The following EBF1 variants were observed in gnomAD, a reference collection of about 807,000 sequenced individuals.
EBF1 encodes the protein transcription factor COE1.
Under a neutral mutation model 68.4 loss-of-function variants are expected in EBF1, and 10 were observed. That is an observed-to-expected ratio of 0.15 (90% CI 0.09 to 0.25). The LOEUF (loss-of-function observed/expected upper bound fraction) is 0.25. Ranked by LOEUF, EBF1 falls within the 10% of genes least tolerant of loss-of-function variation. The pLI, the probability that EBF1 is intolerant of heterozygous loss-of-function variation, is 1.00. For synonymous variants in EBF1, 298 were observed against 299.8 expected, an observed-to-expected ratio of 0.99 and a Z score of 0.06; for missense variants, 509 against 794.4, an observed-to-expected ratio of 0.64 and a Z score of 4.32.
intron 6 of EBF1, among the ~76,000 whole-genome samples, chr5:158,861,854 AAT>A (rs1554166983): frequency 1.1e-4 from 16 of 152,240 alleles, no homozygotes; most frequent in Middle Eastern, 3.4e-3. Context: ...AAAAAAAAAA[AAT>A]GTTTAAAATC....
chr5:158,941,148 C>T, intron 6 of EBF1: 1 of 455,078 alleles, frequency 2.2e-6, no homozygotes, highest in Admixed American at 2.4e-5. Flanking sequence ...GCACGTGGGG[C>T]TTTTCTGTAA....
At chr5:158,841,614 C>A (rs772897990) in intron 6 of EBF1, among the ~76,000 whole-genome samples, 3 of 152,170 alleles carry the variant, frequency 2.0e-5, no homozygotes, top group Non-Finnish European at 4.4e-5. Context: ...CCCTATGATG[C>A]CTCAGTCTGA....
At chr5:158,907,331 G>A (rs1282886540) in intron 6 of EBF1, among the ~76,000 whole-genome samples, 1 of 152,152 alleles carries the variant, frequency 6.6e-6, no homozygotes, top group Non-Finnish European at 1.5e-5. Flanking sequence ...AATAAAATCA[G>A]AAACAAAGTT....
intron 10 of EBF1, among the ~76,000 whole-genome samples, chr5:158,773,187 G>A (rs748325917): frequency 1.1e-4 from 17 of 152,014 alleles, no homozygotes; most frequent in Non-Finnish European, 2.2e-4. Context: ...GAGAAAAAAC[G>A]GAAAACTTAA....
rs1347551406 is a variant in EBF1, at chr5:158,843,980, T to G, written c.555-3870A>C. ...GCAGAGGTTATTGTAACTCAAAACC[T>G]CACTTTTGTCTAATGAATTGCTGCA... On this transcript the variant is annotated intron_variant, in intron 6 of 15. Coordinates refer to ENST00000313708, the MANE Select transcript of EBF1 (RefSeq NM_024007.5). Among the ~76,000 whole-genome samples the G allele has an allele frequency of 3.3e-5, 5 of 152,110 alleles. No homozygotes were observed. In the East Asian group the frequency reaches 9.7e-4, roughly 29 times the overall value.
chr5:158,875,056 T>TACAAACACACACACAC (rs1797578059), intron 6 of EBF1, among the ~76,000 whole-genome samples: 1 of 147,302 alleles, frequency 6.8e-6, no homozygotes, highest in Admixed American at 6.8e-5. Flanking sequence ...CACACACACA[T>TACAAACACACACACAC]ACACACACAC....
chr5:159,012,504 A>G (rs1341142526), intron 6 of EBF1, among the ~76,000 whole-genome samples: 2 of 150,852 alleles, frequency 1.3e-5, no homozygotes, highest in Non-Finnish European at 2.9e-5. Flanking sequence ...CTTTTTTTAG[A>G]CAGGGTCTCA....
At chr5:158,995,381 A>G (rs912313831) in intron 6 of EBF1, among the ~76,000 whole-genome samples, 1 of 152,208 alleles carries the variant, frequency 6.6e-6, no homozygotes, top group African/African-American at 2.4e-5. Context: ...GCACAGTAGC[A>G]GATCAATGCT....
At chr5:158,915,551 G>A (rs978587047) in intron 6 of EBF1, among the ~76,000 whole-genome samples, 1 of 152,102 alleles carries the variant, frequency 6.6e-6, no homozygotes, top group African/African-American at 2.4e-5. Flanking sequence ...AGCATTAATT[G>A]GACATTTATG....
intron 6 of EBF1, among the ~76,000 whole-genome samples, chr5:158,947,922 C>A (rs1815134168): frequency 6.6e-6 from 1 of 152,170 alleles, no homozygotes; most frequent in Non-Finnish European, 1.5e-5. Flanking sequence ...TAACAACCAG[C>A]TTTTGCTTTT....
At chr5:158,767,540 G>A (rs553918455) in intron 10 of EBF1, among the ~76,000 whole-genome samples, 317 of 151,112 alleles carry the variant, frequency 2.1e-3, no homozygotes, top group African/African-American at 7.2e-3. Flanking sequence ...AACCCAGGAA[G>A]TCACTTCACC....
chr5:158,741,498 TG>T (rs1322158689), intron 10 of EBF1, among the ~76,000 whole-genome samples: 1 of 150,182 alleles, frequency 6.7e-6, no homozygotes, highest in African/African-American at 2.5e-5. Flanking sequence ...CAGCTTGAGC[TG>T]GGGAGTTCCA....
At chr5:158,772,836 G>A (rs969688539) in intron 10 of EBF1, among the ~76,000 whole-genome samples, 1 of 152,128 alleles carries the variant, frequency 6.6e-6, no homozygotes, top group Non-Finnish European at 1.5e-5. Context: ...CTAGTATCTA[G>A]CCTCATGCTA....
chr5:158,744,074 G>A (rs1223907828), intron 10 of EBF1, among the ~76,000 whole-genome samples: 2 of 152,016 alleles, frequency 1.3e-5, no homozygotes, highest in Non-Finnish European at 2.9e-5. Flanking sequence ...GGGAGGCTGA[G>A]GCAGGAGAAT....
intron 6 of EBF1, among the ~76,000 whole-genome samples, chr5:158,851,783 G>A (rs1283299471): frequency 9.3e-6 from 1 of 107,078 alleles, no homozygotes; most frequent in Non-Finnish European, 1.9e-5. Context: ...GGAAGAGAAA[G>A]GAAGGGAAGG....
chr5:159,056,313 A>G (rs936730469), intron 6 of EBF1, among the ~76,000 whole-genome samples: 2 of 152,206 alleles, frequency 1.3e-5, no homozygotes, highest in African/African-American at 2.4e-5. Context: ...AATCAGCACA[A>G]TCTTTTCAGC....
At chr5:159,054,326 C>T (rs766369139) in intron 6 of EBF1, among the ~76,000 whole-genome samples, 6 of 152,108 alleles carry the variant, frequency 3.9e-5, no homozygotes, top group Non-Finnish European at 8.8e-5. Context: ...AATCATTATC[C>T]ATGGGACTCA....
intron 14 of EBF1, among the ~76,000 whole-genome samples, chr5:158,709,172 C>T (rs754156187): frequency 6.6e-6 from 1 of 152,192 alleles, no homozygotes; most frequent in Non-Finnish European, 1.5e-5. Context: ...CCATTTCCTG[C>T]AGGAAAGTAT....
At chr5:159,052,603 A>G (rs1247956253) in intron 6 of EBF1, among the ~76,000 whole-genome samples, 1 of 152,136 alleles carries the variant, frequency 6.6e-6, no homozygotes, top group African/African-American at 2.4e-5. Flanking sequence ...CTCTCAGAGG[A>G]ATTGTCCTGC....
Sources: gnomAD v4.1 joint callset for allele counts (sites outside exome capture counted in the v4.1 genomes callset) on GRCh38, gnomAD v4.1.1 for gene constraint, MANE v1.5 for transcripts, NCBI Gene and HGNC (gene_info 2026-07-23, HGNC 2026-07-21) for gene names.